The following SENP6 variants were observed in gnomAD, a reference collection of about 807,000 sequenced individuals.
SENP6 encodes SUMO specific peptidase 6.
In SENP6, 41 loss-of-function variants were observed where a neutral mutation model predicts 134.5. The observed-to-expected ratio is 0.30, with a 90% CI of 0.24 to 0.40. SENP6 has a LOEUF of 0.40. SENP6 is among the 10% of genes least tolerant of loss of function. The pLI, the probability that SENP6 is intolerant of heterozygous loss-of-function variation, is 1.00. For missense variants in SENP6, 1,248 were observed against 1,312.5 expected (o/e 0.95, Z 0.76); for synonymous variants, 395 against 429.8 (o/e 0.92, Z 1.00).
chr6:75,622,750 G>C (rs761206332), intron 2 of SENP6: 1 of 1,276,246 alleles, frequency 7.8e-7, no homozygotes, highest in South Asian at 1.2e-5. Flanking sequence ...AAATATTGTA[G>C]GTGCTTCACT....
rs1342264408 is a variant in SENP6 at position 75,670,592 on chromosome 6, A to G, written c.1264A>G (p.Lys422Glu). 2 of 1,613,000 alleles carry G rather than the reference A, an allele frequency of 1.2e-6. No individual in the cohort carries two copies. Among genetic ancestry groups the G allele is most frequent in the East Asian group, 2.2e-5 (1 of 44,818 alleles). ...SIINTPLKRR[K>E]VFSQEPPDAL... is the part of the protein sequence containing the mutation. ...TATCAACACACCTCTGAAACGTCGTAAAGTGTTTTCTCAAGAACCTCCAGA... is the reference window on the plus strand; with the variant it reads ...TATCAACACACCTCTGAAACGTCGTGAAGTGTTTTCTCAAGAACCTCCAGA... Residue 422 changes from lysine (K) to glutamate (E), a missense_variant, in exon 11 of 24, where the codon AAA becomes GAA. Lys to Glu is a moderately conservative substitution (Grantham distance 56, BLOSUM62 1). This residue lies in a region of SENP6 where 733 missense variants were observed against 725.4 expected (regional missense o/e 1.01). Transcript: ENST00000447266.
At chr6:75,647,139 T>G (rs1474225275) in intron 6 of SENP6, among the ~76,000 whole-genome samples, 1 of 152,198 alleles carries the variant, frequency 6.6e-6, no homozygotes, top group East Asian at 1.9e-4. Flanking sequence ...TCTGTTGCAC[T>G]TTTTGTAGTT....
chr6:75,602,802 A>T (rs1051201508), intron 1 of SENP6, among the ~76,000 whole-genome samples: 3 of 152,164 alleles, frequency 2.0e-5, no homozygotes, highest in African/African-American at 7.2e-5. Context: ...GCGCGGGTGG[A>T]TTGAGCTACG....
At chr6:75,603,464 G>T (rs1766791831) in intron 1 of SENP6, among the ~76,000 whole-genome samples, 1 of 152,168 alleles carries the variant, frequency 6.6e-6, no homozygotes, top group Non-Finnish European at 1.5e-5. Flanking sequence ...AGTCTCTGCT[G>T]CTCAGAGACT....
At position 75,677,027 on chromosome 6, in the gene SENP6, C is replaced by T; in HGVS notation, c.1622-3C>T. The T allele has an allele frequency of 1.0e-5, 14 of 1,356,998 alleles. No homozygotes were observed. The highest frequency in any genetic ancestry group is 1.3e-5 in the South Asian group (1 of 76,452). The allele number at this position is 1,356,998 out of a possible 1,614,324, so 84.1% of individuals were successfully genotyped here. The stretch of plus-strand genomic sequence containing the variant: ...TTTTGGACTTATATTTATTTCTTTT[C>T]AGATTTAGAAGAACAATATATAATT... On this transcript the variant is annotated splice_polypyrimidine_tract_variant and splice_region_variant and intron_variant, in intron 13 of 23. Coordinates refer to ENST00000447266, the MANE Select transcript of SENP6 (RefSeq NM_015571.4).
intron 1 of SENP6, chr6:75,611,315 A>G (rs1447726336): frequency 6.6e-6 from 1 of 152,206 alleles, no homozygotes; most frequent in Non-Finnish European, 1.5e-5. Flanking sequence ...CAGGAGATAT[A>G]AAAGAATGAT....
At chr6:75,679,219 G>A (rs1403991043) in intron 16 of SENP6, 2 of 242,146 alleles carry the variant, frequency 8.3e-6, no homozygotes, top group East Asian at 1.3e-4. Context: ...TTCACGACCA[G>A]CCTGGGAAAC....
intron 7 of SENP6, 97 bp downstream of exon 7, chr6:75,647,898 A>G (rs1398117109): frequency 3.5e-6 from 3 of 862,474 alleles, no homozygotes; most frequent in Admixed American, 2.6e-5. Context: ...ATTCCCAGGT[A>G]TAATAGATAT....
At chr6:75,704,575 G>T (rs2149901501) in intron 19 of SENP6, among the ~76,000 whole-genome samples, 1 of 152,348 alleles carries the variant, frequency 6.6e-6, no homozygotes, top group East Asian at 1.9e-4. Context: ...GTTCCCAGGA[G>T]CAGGCAGGAG....
intron 18 of SENP6, among the ~76,000 whole-genome samples, chr6:75,702,203 TA>T (rs990113583): frequency 1.6e-4 from 22 of 141,030 alleles, no homozygotes; most frequent in Admixed American, 2.8e-4. Flanking sequence ...ATTTGAGAAC[TA>T]AAAAAAAAAT....
At chr6:75,623,145 T>C (rs1361934709) in intron 2 of SENP6, among the ~76,000 whole-genome samples, 1 of 152,106 alleles carries the variant, frequency 6.6e-6, no homozygotes, top group Non-Finnish European at 1.5e-5. Context: ...TTACAATAAA[T>C]AGCTGAGTTG....
chr6:75,693,718 G>C (rs1186362829), intron 16 of SENP6, among the ~76,000 whole-genome samples: 1 of 152,160 alleles, frequency 6.6e-6, no homozygotes, highest in Non-Finnish European at 1.5e-5. Flanking sequence ...CAGATCTCAA[G>C]AATGTGCCCT....
chr6:75,644,768 A>G (rs1481735265), intron 6 of SENP6, among the ~76,000 whole-genome samples: 1 of 152,204 alleles, frequency 6.6e-6, no homozygotes, highest in African/African-American at 2.4e-5. Flanking sequence ...TACAGGCATG[A>G]GCCACCTTGC....
chr6:75,648,711 T>A (rs1770639186), intron 7 of SENP6, among the ~76,000 whole-genome samples: 1 of 152,236 alleles, frequency 6.6e-6, no homozygotes, highest in African/African-American at 2.4e-5. Context: ...GACTACTCTC[T>A]TCAGCATTTA....
Position 75,678,763 on chromosome 6 carries a change from A to G in SENP6, c.1959-48A>G, listed in dbSNP as rs763225657. ...CTGTTTTATTACATTTCAGTTGTGT[A>G]TATATATATAGATTTGTTTATTTGC... On this transcript the variant is annotated intron_variant, in intron 15 of 23. Transcript: ENST00000447266. 56 of 1,305,212 alleles carry G rather than the reference A, an allele frequency of 4.3e-5. No individual in the cohort carries two copies. In the Middle Eastern group the frequency reaches 5.5e-4, roughly 13 times the overall value. The allele number at this position is 1,305,212 out of a possible 1,614,324, so 80.9% of individuals were successfully genotyped here.
At chr6:75,653,470 T>C (rs1213194782) in intron 7 of SENP6, among the ~76,000 whole-genome samples, 1 of 152,226 alleles carries the variant, frequency 6.6e-6, no homozygotes, top group Non-Finnish European at 1.5e-5. Flanking sequence ...CAAAAGTCCT[T>C]GTAGATTTAT....
chr6:75,688,976 G>C (rs895751124), intron 16 of SENP6, among the ~76,000 whole-genome samples: 10 of 152,296 alleles, frequency 6.6e-5, no homozygotes, highest in African/African-American at 2.4e-4. Flanking sequence ...TGAGGCAGGA[G>C]AATCACTTGA....
At chr6:75,682,595 C>T (rs564085190) in intron 16 of SENP6, among the ~76,000 whole-genome samples, 9 of 152,176 alleles carry the variant, frequency 5.9e-5, no homozygotes, top group Admixed American at 2.6e-4. Flanking sequence ...GTGATGTTCC[C>T]CGCCCTGTAT....
intron 19 of SENP6, among the ~76,000 whole-genome samples, chr6:75,703,608 A>G (rs1300344303): frequency 1.3e-5 from 2 of 152,102 alleles, no homozygotes; most frequent in Non-Finnish European, 2.9e-5. Context: ...CAAAAATACA[A>G]AAACTTAGCC....
Sources: gnomAD v4.1 joint callset for allele counts (sites outside exome capture counted in the v4.1 genomes callset) on GRCh38, gnomAD v4.1.1 for gene constraint, gnomAD v4.1.1 regional missense constraint, MANE v1.5 for transcripts, NCBI Gene and HGNC (gene_info 2026-07-23, HGNC 2026-07-21) for gene names.